FHOD3: variants seen among roughly 807,000 people sequenced by gnomAD.
FHOD3 encodes FH1/FH2 domain-containing protein 3.
FHOD3 carries 90 observed loss-of-function variants against 173.0 expected under a neutral mutation model. The ratio of observed to expected loss-of-function variants is 0.52; its 90% CI spans 0.44 to 0.62. FHOD3 has a LOEUF of 0.62. Among genes scored for constraint, FHOD3 ranks in the 20% least tolerant of loss-of-function variants. The probability of loss-of-function intolerance (pLI) is 0.00; values close to 1 mark genes in which losing one functional copy is unlikely to be tolerated. For missense variants in FHOD3, 1,945 were observed against 2,034.7 expected, an observed-to-expected ratio of 0.96 and a Z score of 0.85; for synonymous variants, 828 against 823.0, an observed-to-expected ratio of 1.01 and a Z score of -0.10.
intron 1 of FHOD3, among the ~76,000 whole-genome samples, chr18:36,332,418 C>G (rs1235283387): frequency 6.6e-6 from 1 of 152,232 alleles, no homozygotes; most frequent in Non-Finnish European, 1.5e-5. Context: ...TTCTCTCTCA[C>G]AGGCCTGCTA....
chr18:36,767,737 G>A (rs969261235), intron 27 of FHOD3, among the ~76,000 whole-genome samples: 1 of 152,090 alleles, frequency 6.6e-6, no homozygotes, highest in Non-Finnish European at 1.5e-5. Context: ...AAATATTTAT[G>A]TATTTAATTC....
intron 1 of FHOD3, among the ~76,000 whole-genome samples, chr18:36,336,160 G>A (rs1598750780): frequency 1.3e-5 from 2 of 152,160 alleles, no homozygotes; most frequent in East Asian, 3.9e-4. Flanking sequence ...AAAATAAGCA[G>A]GCGGTGGTGC....
In FHOD3 at chr18:36,730,889, C is replaced by T; in HGVS notation, c.3576+85C>T. ...CTGCATGTCCACATTTCAAAAGATCCATGGTGCCTTTCTGTCTCAACTAGA... is the reference window on the plus strand; with the variant it reads ...CTGCATGTCCACATTTCAAAAGATCTATGGTGCCTTTCTGTCTCAACTAGA... On this transcript the variant is annotated intron_variant, in intron 20 of 28. Transcript: ENST00000590592. 3 of 1,401,830 alleles carry T rather than the reference C, an allele frequency of 2.1e-6. No individual in the cohort carries two copies. In the South Asian group the frequency reaches 4.1e-5, roughly 19 times the overall value. 86.8% of individuals were successfully genotyped at this position (1,401,830 alleles called of 1,614,324 possible).
chr18:36,298,852 T>A (rs2091882421), intron 1 of FHOD3, among the ~76,000 whole-genome samples: 1 of 152,062 alleles, frequency 6.6e-6, no homozygotes, highest in African/African-American at 2.4e-5. Flanking sequence ...GAGGTGGGTA[T>A]TGAAAGCTAA....
intron 19 of FHOD3, among the ~76,000 whole-genome samples, chr18:36,726,731 G>C (rs1217256292): frequency 6.6e-6 from 1 of 152,052 alleles, no homozygotes; most frequent in Non-Finnish European, 1.5e-5. Context: ...CTGGAGTGCA[G>C]TGGCGTAAAC....
At chr18:36,403,078 C>T (rs1158499887) in intron 3 of FHOD3, among the ~76,000 whole-genome samples, 1 of 152,124 alleles carries the variant, frequency 6.6e-6, no homozygotes, top group Non-Finnish European at 1.5e-5. Context: ...GTGCAGAATC[C>T]AGTGCTTCTC....
At chr18:36,324,984 C>T (rs1568123853) in intron 1 of FHOD3, among the ~76,000 whole-genome samples, 1 of 152,172 alleles carries the variant, frequency 6.6e-6, no homozygotes, top group Admixed American at 6.5e-5. Flanking sequence ...GAATACTGTA[C>T]AGCCCTGAAA....
intron 5 of FHOD3, among the ~76,000 whole-genome samples, chr18:36,567,921 T>A (rs1304435036): frequency 6.6e-6 from 1 of 152,042 alleles, no homozygotes; most frequent in Non-Finnish European, 1.5e-5. Flanking sequence ...GTCTGGTTTT[T>A]CCTTCTCTGT....
chr18:36,681,577 A>G lies in FHOD3; in HGVS notation c.1970+7A>G. On this transcript the variant is annotated splice_region_variant and intron_variant, in intron 15 of 28. Coordinates refer to ENST00000590592, the MANE Select transcript of FHOD3 (RefSeq NM_001281740.3). Reference sequence around the variant, plus strand: ...AAGAAAGAAACAAATTCAGGTAAGAAGGATCTTAAGATTTTTTTTAAATAG... The same window carrying G: ...AAGAAAGAAACAAATTCAGGTAAGAGGGATCTTAAGATTTTTTTTAAATAG... The G allele has an allele frequency of 6.2e-7, 1 of 1,606,624 alleles. No homozygotes were observed. Among genetic ancestry groups the G allele is most frequent in the Non-Finnish European group, 8.5e-7 (1 of 1,178,216 alleles).
rs552646344 is a variant in FHOD3 at position 36,342,049 on chromosome 18, C to G, written c.166-13490C>G. Among the ~76,000 whole-genome samples, 219 of 151,984 alleles carry G rather than the reference C, an allele frequency of 1.4e-3. 3 individuals carry two copies. The highest frequency in any genetic ancestry group is 5.1e-3 in the African/African-American group (211 of 41,486). ...AATAGAGAAATACAATATAAATAATCAAATGGAAATTTTAGAAATGACAAA... is the reference window on the plus strand; with the variant it reads ...AATAGAGAAATACAATATAAATAATGAAATGGAAATTTTAGAAATGACAAA... On this transcript the variant is annotated intron_variant, in intron 1 of 28. Transcript: ENST00000590592.
intron 19 of FHOD3, among the ~76,000 whole-genome samples, chr18:36,718,939 AGGC>A (rs2040610735): frequency 6.6e-6 from 1 of 152,234 alleles, no homozygotes; most frequent in Non-Finnish European, 1.5e-5. Flanking sequence ...TACTTATATT[AGGC>A]AAAGGAGCTT....
intron 10 of FHOD3, among the ~76,000 whole-genome samples, chr18:36,635,070 A>G (rs898792185): frequency 1.3e-5 from 2 of 152,190 alleles, no homozygotes; most frequent in African/African-American, 4.8e-5. Context: ...GCAGTGTCCA[A>G]GAGATTCATG....
intron 10 of FHOD3, among the ~76,000 whole-genome samples, chr18:36,647,091 A>C (rs2035739646): frequency 1.3e-5 from 2 of 152,050 alleles, no homozygotes. Context: ...TAATACAAAA[A>C]ATTAGCTGGG....
intron 10 of FHOD3, among the ~76,000 whole-genome samples, chr18:36,638,898 AAC>A (rs2035080924): frequency 6.6e-6 from 1 of 152,128 alleles, no homozygotes; most frequent in Non-Finnish European, 1.5e-5. Flanking sequence ...ATAAGTGAAA[AAC>A]ACACATGAGA....
chr18:36,401,793 C>T (rs764514323), intron 3 of FHOD3, among the ~76,000 whole-genome samples: 22 of 152,166 alleles, frequency 1.4e-4, no homozygotes, highest in Non-Finnish European at 1.6e-4. Context: ...ATCCCTCACA[C>T]GGTATGTAGC....
chr18:36,475,246 G>T (rs1040736484), intron 3 of FHOD3, among the ~76,000 whole-genome samples: 2 of 151,958 alleles, frequency 1.3e-5, no homozygotes, highest in South Asian at 2.1e-4. Context: ...GATGGACTTG[G>T]GTGCTCACCT....
At chr18:36,441,273 A>G (rs1432265495) in intron 3 of FHOD3, among the ~76,000 whole-genome samples, 1 of 152,180 alleles carries the variant, frequency 6.6e-6, no homozygotes, top group Non-Finnish European at 1.5e-5. Context: ...GAGGACCTGC[A>G]TGAGCCAGGC....
intron 15 of FHOD3, among the ~76,000 whole-genome samples, chr18:36,683,479 A>G (rs1472103274): frequency 1.3e-5 from 2 of 152,210 alleles, no homozygotes; most frequent in Non-Finnish European, 2.9e-5. Flanking sequence ...CTGAAATATA[A>G]AAGAGAGCAG....
chr18:36,528,738 A>C (rs1434440663), intron 5 of FHOD3, among the ~76,000 whole-genome samples: 1 of 152,232 alleles, frequency 6.6e-6, no homozygotes, highest in Non-Finnish European at 1.5e-5. Flanking sequence ...TTCTTATGGC[A>C]TTAAAAGAAG....
Sources: allele counts gnomAD v4.1 joint callset (sites outside exome capture counted in the v4.1 genomes callset), GRCh38; gene constraint gnomAD v4.1.1; transcripts MANE v1.5; gene names NCBI Gene and HGNC (gene_info 2026-07-23, HGNC 2026-07-21).